TAF1B: variants seen among roughly 807,000 people sequenced by gnomAD.
The protein encoded by TAF1B is TATA box-binding protein-associated factor RNA polymerase I subunit B.
In TAF1B, 61 loss-of-function variants were observed where a neutral mutation model predicts 83.9. That is an observed-to-expected ratio of 0.73 (90% CI 0.59 to 0.90). The LOEUF is 0.90. Ranked by LOEUF, TAF1B falls within the 40% of genes least tolerant of loss-of-function variation. The pLI is 0.00. For missense variants in TAF1B, 625 were observed against 677.0 expected (o/e 0.92, Z 0.85); for synonymous variants, 221 against 224.6 (o/e 0.98, Z 0.14).
At chr2:9,924,641 T>C (rs1266275675) in intron 14 of TAF1B, among the ~76,000 whole-genome samples, 1 of 152,230 alleles carries the variant, frequency 6.6e-6, no homozygotes, top group East Asian at 1.9e-4. Flanking sequence ...AATAATATCA[T>C]TGTAAAGGCT....
At chr2:9,902,694 G>GT (rs1296456514) in intron 8 of TAF1B, among the ~76,000 whole-genome samples, 3 of 152,186 alleles carry the variant, frequency 2.0e-5, no homozygotes, top group Non-Finnish European at 2.9e-5. Flanking sequence ...AAATAGTGTT[G>GT]TTATGAACAT....
intron 12 of TAF1B, among the ~76,000 whole-genome samples, chr2:9,916,834 G>GTTGTTTTTTTTTTTTTTT (rs1572282272): frequency 2.2e-5 from 1 of 44,848 alleles, no homozygotes; most frequent in African/African-American, 4.6e-5. Context: ...TTTCCTTTCT[G>GTTGTTTTTTTTTTTTTTT]TTCTTTTTTT....
intron 8 of TAF1B, among the ~76,000 whole-genome samples, chr2:9,900,167 G>A (rs1572264787): frequency 3.3e-5 from 5 of 152,212 alleles, no homozygotes; most frequent in Admixed American, 3.3e-4. Flanking sequence ...ACAGGCAGGA[G>A]CTTAGCCTAA....
At chr2:9,848,602 G>A (rs563831058) in intron 2 of TAF1B, among the ~76,000 whole-genome samples, 4 of 152,026 alleles carry the variant, frequency 2.6e-5, no homozygotes, top group Non-Finnish European at 5.9e-5. Flanking sequence ...GGAGGCAAAG[G>A]TTGAAGTGAG....
intron 5 of TAF1B, among the ~76,000 whole-genome samples, chr2:9,863,292 T>C (rs949024467): frequency 6.6e-6 from 1 of 151,990 alleles, no homozygotes; most frequent in Non-Finnish European, 1.5e-5. Flanking sequence ...GCAGGGGTTG[T>C]AATCCTAGTC....
intron 7 of TAF1B, among the ~76,000 whole-genome samples, chr2:9,878,381 C>A (rs186433994): frequency 6.6e-6 from 1 of 152,254 alleles, no homozygotes; most frequent in Admixed American, 6.5e-5. Context: ...AGCCACCATG[C>A]CTGGCCCAGA....
At chr2:9,844,668 C>T (rs533265082) in intron 1 of TAF1B, among the ~76,000 whole-genome samples, 2 of 152,254 alleles carry the variant, frequency 1.3e-5, no homozygotes, top group African/African-American at 4.8e-5. Context: ...AATTGTAACT[C>T]ACCATTAGCT....
intron 2 of TAF1B, among the ~76,000 whole-genome samples, chr2:9,848,738 TA>T (rs954459466): frequency 6.6e-6 from 1 of 151,176 alleles, no homozygotes. Context: ...TGGCCCCATT[TA>T]AAAAAAAAGA....
intron 4 of TAF1B, among the ~76,000 whole-genome samples, chr2:9,854,007 A>G (rs1445509851): frequency 1.3e-5 from 2 of 152,196 alleles, no homozygotes. Flanking sequence ...AATTCTTTTT[A>G]AGGAAAGGCA....
At chr2:9,889,599 T>C (rs918288531) in intron 8 of TAF1B, among the ~76,000 whole-genome samples, 4 of 152,330 alleles carry the variant, frequency 2.6e-5, no homozygotes, top group Non-Finnish European at 5.9e-5. Flanking sequence ...ATTGGTTATG[T>C]ATCATATTTT....
At position 9,933,715 on chromosome 2, in the gene TAF1B, C is replaced by T; in HGVS notation, c.1566-68C>T. ...TTGCTAAGTTATTTGGGGGGATGTT[C>T]AGGGGTTAGTGTGTGCATTTCTTGG... On this transcript the variant is annotated intron_variant, in intron 14 of 14. Transcript: ENST00000263663. 3 of 1,294,408 alleles carry T rather than the reference C, an allele frequency of 2.3e-6. No individual in the cohort carries two copies. In the African/African-American group the frequency reaches 4.5e-5, roughly 19 times the overall value. 80.2% of individuals were successfully genotyped at this position (1,294,408 alleles called of 1,614,324 possible). A position where few individuals can be genotyped will look rare whatever the true frequency, so the allele number is the denominator to read the frequency against.
chr2:9,921,306 G>T (rs1382052004), intron 14 of TAF1B, among the ~76,000 whole-genome samples: 2 of 152,066 alleles, frequency 1.3e-5, no homozygotes, highest in African/African-American at 4.8e-5. Flanking sequence ...TGCCCAGGTT[G>T]GTCTCAAATG....
chr2:9,868,855 AC>A (rs1664080154), intron 6 of TAF1B: 1 of 352,498 alleles, frequency 2.8e-6, no homozygotes, highest in Non-Finnish European at 5.6e-6. Context: ...TTACCTTGTT[AC>A]ATGTGTGTTT....
chr2:9,847,691 A>T (rs939630370), intron 2 of TAF1B, among the ~76,000 whole-genome samples: 4 of 152,222 alleles, frequency 2.6e-5, no homozygotes, highest in Non-Finnish European at 4.4e-5. Flanking sequence ...TAGACAATAG[A>T]TATTTTTGCA....
intron 4 of TAF1B, chr2:9,851,933 C>T (rs1466438680): frequency 1.9e-6 from 1 of 538,268 alleles, no homozygotes; most frequent in South Asian, 1.5e-5. Flanking sequence ...TTTATTAGTA[C>T]CTTTTGTGTG....
chr2:9,868,199 G>T, intron 5 of TAF1B, 77 bp from the exon 6 acceptor site: 7 of 1,427,998 alleles, frequency 4.9e-6, no homozygotes, highest in Non-Finnish European at 5.8e-6. Context: ...GTTTGTGATA[G>T]GAGTTGTTTA....
In TAF1B at chr2:9,845,724, T is replaced by C. The variant is rs540657512; in HGVS notation, c.117+406T>C. 3.9e-5 allele frequency: 10 copies of C among 259,232 alleles called. No homozygotes were observed. The East Asian group carries it at 1.1e-3, about 28-fold the overall frequency. 16.1% of individuals were successfully genotyped at this position (259,232 alleles called of 1,614,324 possible). A position where few individuals can be genotyped will look rare whatever the true frequency, so the allele number is the denominator to read the frequency against. On this transcript the variant is annotated intron_variant, in intron 2 of 14. Transcript: ENST00000263663. ...TGGGCCGGGCGCAGTGGCTTACGCC[T>C]GTAATCCCAGCACTTTGGGAGGCTA...
At chr2:9,844,872 T>C (rs79868535) in intron 1 of TAF1B, among the ~76,000 whole-genome samples, 9,447 of 152,232 alleles carry the variant, frequency 0.062, 324 homozygotes, top group African/African-American at 0.077. Flanking sequence ...AGTTCCAAAT[T>C]GTATTTGCAT....
intron 14 of TAF1B, among the ~76,000 whole-genome samples, chr2:9,932,583 C>A (rs768319559): frequency 4.6e-5 from 7 of 152,022 alleles, no homozygotes; most frequent in Non-Finnish European, 8.8e-5. Context: ...AGGTGTCAGT[C>A]GGCCCTTACT....
Sources: gnomAD v4.1 joint callset for allele counts (sites outside exome capture counted in the v4.1 genomes callset) on GRCh38, gnomAD v4.1.1 for gene constraint, MANE v1.5 for transcripts, NCBI Gene and HGNC (gene_info 2026-07-23, HGNC 2026-07-21) for gene names.